DLG2: variants seen among roughly 807,000 people sequenced by gnomAD.
The protein encoded by DLG2 is disks large homolog 2.
Under a neutral mutation model 132.5 loss-of-function variants are expected in DLG2, and 45 were observed. That is an observed-to-expected ratio of 0.34 (90% CI 0.27 to 0.44). The LOEUF (loss-of-function observed/expected upper bound fraction) is 0.44, where lower values mean the gene tolerates loss of function less well. Among genes scored for constraint, DLG2 ranks in the 20% least tolerant of loss-of-function variants. DLG2 has a pLI of 1.00. For missense variants in DLG2, 1,045 were observed against 1,196.9 expected (o/e 0.87, Z 1.87); for synonymous variants, 424 against 419.6 (o/e 1.01, Z -0.13).
At chr11:85,472,841 A>T (rs1340572186) in intron 3 of DLG2, among the ~76,000 whole-genome samples, 1 of 152,222 alleles carries the variant, frequency 6.6e-6, no homozygotes, top group Non-Finnish European at 1.5e-5. Flanking sequence ...GAAGGGACTG[A>T]ATGAGCTGTA....
chr11:84,226,944 G>A (rs370719883), intron 8 of DLG2, among the ~76,000 whole-genome samples: 3 of 151,968 alleles, frequency 2.0e-5, no homozygotes, highest in Admixed American at 1.3e-4. Context: ...AAATTAGCTG[G>A]GTGTGGTGGT....
chr11:85,470,094 G>A (rs2092932432), intron 3 of DLG2, among the ~76,000 whole-genome samples: 1 of 150,742 alleles, frequency 6.6e-6, no homozygotes, highest in Non-Finnish European at 1.5e-5. Flanking sequence ...CCAAGCTTTT[G>A]CATTTGCTGT....
At chr11:85,604,902 T>C (rs2153238338) in intron 2 of DLG2, among the ~76,000 whole-genome samples, 1 of 152,262 alleles carries the variant, frequency 6.6e-6, no homozygotes, top group South Asian at 2.1e-4. Context: ...TTGGCAATAG[T>C]GCTAACAAAT....
chr11:83,888,624 A>T (rs1289290121), intron 15 of DLG2, among the ~76,000 whole-genome samples: 4 of 152,174 alleles, frequency 2.6e-5, no homozygotes, highest in African/African-American at 9.7e-5. Context: ...GGAACCAAAA[A>T]AGAGCCCTCA....
chr11:84,954,404 A>T (rs1205223357), intron 6 of DLG2, among the ~76,000 whole-genome samples: 1 of 152,088 alleles, frequency 6.6e-6, no homozygotes, highest in Admixed American at 6.5e-5. Flanking sequence ...AGAATCAAGG[A>T]AAGTAGTGAG....
chr11:84,798,401 C>T (rs1023768339), intron 6 of DLG2, among the ~76,000 whole-genome samples: 3 of 152,186 alleles, frequency 2.0e-5, no homozygotes, highest in African/African-American at 7.2e-5. Context: ...AGTCCTTCCC[C>T]CTCTTTCCTC....
At chr11:85,245,722 C>A (rs1334329413) in intron 4 of DLG2, among the ~76,000 whole-genome samples, 2 of 151,948 alleles carry the variant, frequency 1.3e-5, no homozygotes. Flanking sequence ...AAATGACCAA[C>A]AAAAACCCAG....
At chr11:83,740,094 C>A (rs1244797014) in intron 18 of DLG2, among the ~76,000 whole-genome samples, 5 of 152,128 alleles carry the variant, frequency 3.3e-5, no homozygotes, top group Admixed American at 3.3e-4. Context: ...AATTCATCTT[C>A]ACTTTGCAAA....
At chr11:84,385,169 G>A (rs967437795) in intron 7 of DLG2, among the ~76,000 whole-genome samples, 1 of 151,796 alleles carries the variant, frequency 6.6e-6, no homozygotes, top group Admixed American at 6.6e-5. Flanking sequence ...GTACAAATTC[G>A]CGAATCTAAC....
At chr11:83,843,912 A>G (rs1046043320) in intron 16 of DLG2, among the ~76,000 whole-genome samples, 4 of 152,234 alleles carry the variant, frequency 2.6e-5, no homozygotes, top group African/African-American at 9.6e-5. Context: ...TCTGAATAAA[A>G]TAGTTATAAA....
chr11:84,900,132 G>T (rs1374942151), intron 6 of DLG2, among the ~76,000 whole-genome samples: 1 of 152,018 alleles, frequency 6.6e-6, no homozygotes, highest in Non-Finnish European at 1.5e-5. Context: ...AAATAGATTT[G>T]ATTAATGATT....
At chr11:84,302,956 GAC>G (rs762462278) in intron 7 of DLG2, among the ~76,000 whole-genome samples, 7 of 150,384 alleles carry the variant, frequency 4.7e-5, no homozygotes, top group Admixed American at 6.6e-5. Context: ...CACACAGACA[GAC>G]ACACACACAC....
intron 7 of DLG2, among the ~76,000 whole-genome samples, chr11:84,270,434 T>C (rs1480815468): frequency 6.6e-6 from 1 of 152,180 alleles, no homozygotes; most frequent in African/African-American, 2.4e-5. Context: ...AAGGACTTCA[T>C]AGTTTGGTTT....
At chr11:84,129,399 G>GTC (rs1165223327) in intron 9 of DLG2, among the ~76,000 whole-genome samples, 1 of 152,038 alleles carries the variant, frequency 6.6e-6, no homozygotes, top group East Asian at 1.9e-4. Context: ...CAATTATACA[G>GTC]TCTCATTATC....
At chr11:85,431,310 T>A (rs996377040) in intron 3 of DLG2, among the ~76,000 whole-genome samples, 2 of 151,916 alleles carry the variant, frequency 1.3e-5, no homozygotes. Flanking sequence ...GAGAGCCACA[T>A]GGGACAGGGG....
intron 6 of DLG2, among the ~76,000 whole-genome samples, chr11:84,835,486 G>C (rs1230982844): frequency 1.3e-5 from 2 of 151,648 alleles, no homozygotes; most frequent in African/African-American, 2.4e-5. Flanking sequence ...CATATGAAAA[G>C]GTTAGCATAA....
At chr11:85,191,162 G>GCACACACGCA (rs2080527307) in intron 4 of DLG2, among the ~76,000 whole-genome samples, 1 of 139,842 alleles carries the variant, frequency 7.2e-6, no homozygotes, top group Non-Finnish European at 1.5e-5. Flanking sequence ...GCGCACGCGC[G>GCACACACGCA]CACACACACA....
At chr11:84,064,328 G>A (rs543046742) in intron 10 of DLG2, among the ~76,000 whole-genome samples, 3 of 152,224 alleles carry the variant, frequency 2.0e-5, no homozygotes, top group Admixed American at 6.5e-5. Context: ...GATTATGAGC[G>A]CTTTAAAAAG....
intron 11 of DLG2, among the ~76,000 whole-genome samples, chr11:83,998,120 AG>A (rs1295331494): frequency 6.6e-6 from 1 of 152,102 alleles, no homozygotes. Context: ...TGGGCGACAG[AG>A]TGAGACCCCA....
Sources: gnomAD v4.1 joint callset for allele counts (sites outside exome capture counted in the v4.1 genomes callset) on GRCh38, gnomAD v4.1.1 for gene constraint, MANE v1.5 for transcripts, NCBI Gene and HGNC (gene_info 2026-07-23, HGNC 2026-07-21) for gene names.